The following LRRK1 variants were observed in gnomAD, a reference collection of about 807,000 sequenced individuals.
The protein encoded by LRRK1 is leucine-rich repeat serine/threonine-protein kinase 1.
In LRRK1, 113 loss-of-function variants were observed where a neutral mutation model predicts 209.1. That is an observed-to-expected ratio of 0.54 (90% CI 0.46 to 0.63). The LOEUF is 0.63. Among genes scored for constraint, LRRK1 ranks in the 30% least tolerant of loss-of-function variants. The pLI, the probability that LRRK1 is intolerant of heterozygous loss-of-function variation, is 0.00. For missense variants in LRRK1, 2,284 were observed against 2,632.2 expected, an observed-to-expected ratio of 0.87 and a Z score of 2.89; for synonymous variants, 1,144 against 1,099.7, an observed-to-expected ratio of 1.04 and a Z score of -0.80.
intron 15 of LRRK1, among the ~76,000 whole-genome samples, chr15:101,023,760 C>G (rs569056563): frequency 6.6e-6 from 1 of 152,318 alleles, no homozygotes; most frequent in Non-Finnish European, 1.5e-5. Context: ...TGCATCTGTT[C>G]TAACACGAAC....
At position 101,071,647 on chromosome 15, in the gene LRRK1, C is replaced by G. The variant is rs565870925; in HGVS notation, c.*2799C>G. On this transcript the variant is annotated 3_prime_UTR_variant, in exon 34 of 34. Coordinates refer to ENST00000388948, the MANE Select transcript of LRRK1 (RefSeq NM_024652.6). ...TCAGGTGATCCGCCCGCCTCATCCT[C>G]CCAAAGTGCTGGGATTACAGGTGTG... 1 of 152,230 alleles carries G rather than the reference C, an allele frequency of 6.6e-6. No homozygotes were observed. The highest frequency in any genetic ancestry group is 1.5e-5 in the Non-Finnish European group (1 of 68,060). The allele number at this position is 152,230 out of a possible 1,614,324, so 9.4% of individuals were successfully genotyped here. A position where few individuals can be genotyped will look rare whatever the true frequency, so the allele number is the denominator to read the frequency against.
intron 6 of LRRK1, among the ~76,000 whole-genome samples, chr15:101,007,719 A>C (rs1261083188): frequency 6.6e-6 from 1 of 151,964 alleles, no homozygotes; most frequent in Non-Finnish European, 1.5e-5. Flanking sequence ...ATCCTATGGG[A>C]TTGGTAGGGG....
chr15:101,023,172 C>T (rs981828290), intron 15 of LRRK1, among the ~76,000 whole-genome samples: 8 of 152,120 alleles, frequency 5.3e-5, no homozygotes, highest in Non-Finnish European at 1.0e-4. Context: ...ACCCTGCCGT[C>T]CCTGACACCT....
chr15:100,979,511 T>G (rs1285342958), intron 3 of LRRK1, among the ~76,000 whole-genome samples: 1 of 152,218 alleles, frequency 6.6e-6, no homozygotes, highest in Non-Finnish European at 1.5e-5. Context: ...TGTCTCTATG[T>G]GTGGATCACA....
Position 101,051,694 on chromosome 15 carries a change from G to A in LRRK1, c.3440-17G>A. The A allele has an allele frequency of 6.2e-7, 1 of 1,611,906 alleles. No homozygotes were observed. Among genetic ancestry groups the A allele is most frequent in the Non-Finnish European group, 8.5e-7 (1 of 1,179,026 alleles). On this transcript the variant is annotated splice_polypyrimidine_tract_variant and intron_variant, in intron 23 of 33. Transcript: ENST00000388948. ...CCACCTTCTTGTGAAGCTGTCTCCT[G>A]CTCTGTCCTTATTTAGCCCTGACAG...
intron 29 of LRRK1, among the ~76,000 whole-genome samples, chr15:101,058,537 A>G (rs2035948059): frequency 6.7e-6 from 1 of 149,878 alleles, no homozygotes; most frequent in African/African-American, 2.5e-5. Flanking sequence ...AAACATTTTT[A>G]AAAACGAAAT....
intron 4 of LRRK1, among the ~76,000 whole-genome samples, chr15:100,986,722 C>G (rs1486559967): frequency 1.3e-5 from 2 of 152,216 alleles, no homozygotes; most frequent in Non-Finnish European, 2.9e-5. Flanking sequence ...GAACATCAAG[C>G]CAGCAGATGA....
chr15:101,013,874 G>A (rs995252153), intron 10 of LRRK1, among the ~76,000 whole-genome samples: 3 of 152,096 alleles, frequency 2.0e-5, no homozygotes, highest in Non-Finnish European at 2.9e-5. Context: ...CCAGACCTGG[G>A]CTGGCCCAGG....
rs562535331 is a variant in LRRK1, at chr15:100,983,729, TG to T, written c.433+31del. 1,724 of 1,603,810 alleles carry T rather than the reference TG, an allele frequency of 1.1e-3. 2 individuals carry two copies. The highest frequency in any genetic ancestry group is 1.3e-3 in the Non-Finnish European group (1,540 of 1,171,036). On this transcript the variant is annotated intron_variant, in intron 4 of 33. Coordinates refer to ENST00000388948, the MANE Select transcript of LRRK1 (RefSeq NM_024652.6). ...ATCACAGGGCATGAGCTCTTAACCG[TG>T]TCTCAGGGCACCCTCTTCTTAGGCT...
At chr15:101,042,118 C>G (rs930950357) in intron 20 of LRRK1, among the ~76,000 whole-genome samples, 2 of 152,232 alleles carry the variant, frequency 1.3e-5, no homozygotes, top group African/African-American at 4.8e-5. Context: ...TTGATTGTTT[C>G]TGGTGCTCTT....
At chr15:100,959,732 C>T (rs2042836805) in intron 2 of LRRK1, among the ~76,000 whole-genome samples, 1 of 152,146 alleles carries the variant, frequency 6.6e-6, no homozygotes, top group African/African-American at 2.4e-5. Flanking sequence ...TTATATGTGC[C>T]ATTTTCTTTT....
At chr15:101,062,735 C>G (rs191941774) in intron 31 of LRRK1, 45 bp downstream of exon 31, 46 of 1,399,364 alleles carry the variant, frequency 3.3e-5, no homozygotes, top group Non-Finnish European at 7.1e-6. Context: ...TGATGCACTT[C>G]CACGCCTAGG....
In LRRK1 at chr15:101,072,978, G is replaced by C. The variant is rs1439095663; in HGVS notation, c.*4130G>C. On this transcript the variant is annotated 3_prime_UTR_variant, in exon 34 of 34. Coordinates refer to ENST00000388948, the MANE Select transcript of LRRK1 (RefSeq NM_024652.6). ...GGAGGGGGGGGGGAACCTCCCTTGGGAGATCAATCCCCTGTCCTCCTGCTC... is the reference window on the plus strand; with the variant it reads ...GGAGGGGGGGGGGAACCTCCCTTGGCAGATCAATCCCCTGTCCTCCTGCTC... 1 of 165,044 alleles carries C rather than the reference G, an allele frequency of 6.1e-6. No homozygotes were observed. Among genetic ancestry groups the C allele is most frequent in the African/African-American group, 2.4e-5 (1 of 41,394 alleles). 10.2% of individuals were successfully genotyped at this position (165,044 alleles called of 1,614,324 possible).
chr15:100,973,493 C>A (rs910682016), intron 2 of LRRK1, among the ~76,000 whole-genome samples: 1 of 152,102 alleles, frequency 6.6e-6, no homozygotes, highest in African/African-American at 2.4e-5. Context: ...CCGCTGCTGT[C>A]GGCGAGGTCG....
At chr15:101,037,971 A>G (rs1596306005) in intron 20 of LRRK1, among the ~76,000 whole-genome samples, 1 of 152,348 alleles carries the variant, frequency 6.6e-6, no homozygotes, top group Non-Finnish European at 1.5e-5. Context: ...AACCATCCCA[A>G]ATGTGCATCA....
At chr15:101,047,759 G>A (rs994134020) in intron 21 of LRRK1, among the ~76,000 whole-genome samples, 2 of 152,202 alleles carry the variant, frequency 1.3e-5, no homozygotes, top group Non-Finnish European at 2.9e-5. Flanking sequence ...TTCGAGAAGC[G>A]ATTCCTCGGG....
At chr15:101,039,910 C>T (rs1439480756) in intron 20 of LRRK1, among the ~76,000 whole-genome samples, 2 of 152,104 alleles carry the variant, frequency 1.3e-5, no homozygotes, top group Admixed American at 1.3e-4. Flanking sequence ...ACTTTGTATT[C>T]CCAAGATTCA....
intron 1 of LRRK1, among the ~76,000 whole-genome samples, chr15:100,923,811 C>T (rs2042060771): frequency 1.3e-5 from 2 of 152,210 alleles, no homozygotes; most frequent in Non-Finnish European, 2.9e-5. Flanking sequence ...GCATCATTGA[C>T]CTCTACCCAT....
chr15:101,018,419 A>T (rs2033640611), intron 12 of LRRK1, among the ~76,000 whole-genome samples: 1 of 152,216 alleles, frequency 6.6e-6, no homozygotes. Flanking sequence ...AACAAACACC[A>T]TCTTCTCCTT....
Sources: gnomAD v4.1 joint callset for allele counts (sites outside exome capture counted in the v4.1 genomes callset) on GRCh38, gnomAD v4.1.1 for gene constraint, MANE v1.5 for transcripts, NCBI Gene and HGNC (gene_info 2026-07-23, HGNC 2026-07-21) for gene names.